The following SLCO1B3 variants were observed in gnomAD, a reference collection of about 807,000 sequenced individuals.
SLCO1B3 encodes solute carrier organic anion transporter family member 1B3.
In SLCO1B3, 72 loss-of-function variants were observed where a neutral mutation model predicts 71.8. The observed-to-expected ratio is 1.00, with a 90% confidence interval of 0.83 to 1.22. The LOEUF (loss-of-function observed/expected upper bound fraction) is 1.22, where lower values mean the gene tolerates loss of function less well. Ranked by LOEUF, SLCO1B3 falls within the 50% of genes most tolerant of loss-of-function variation. The pLI, the probability that SLCO1B3 is intolerant of heterozygous loss-of-function variation, is 0.00. For missense variants in SLCO1B3, 911 were observed against 819.7 expected (o/e 1.11, Z -1.36); for synonymous variants, 298 against 278.4 (o/e 1.07, Z -0.70).
At chr12:20,889,782 T>C (rs1865867165) in intron 13 of SLCO1B3, among the ~76,000 whole-genome samples, 1 of 152,140 alleles carries the variant, frequency 6.6e-6, no homozygotes, top group South Asian at 2.1e-4. Flanking sequence ...TGACATTAGA[T>C]TGTTAATTTT....
chr12:20,882,711 T>G (rs907492308), intron 12 of SLCO1B3, among the ~76,000 whole-genome samples: 3 of 152,144 alleles, frequency 2.0e-5, no homozygotes, highest in Non-Finnish European at 2.9e-5. Flanking sequence ...GCCAATTCTT[T>G]TACAAGTTCT....
chr12:20,881,127 TAAAAC>T, intron 12 of SLCO1B3, 107 bp downstream of exon 12: 1 of 806,942 alleles, frequency 1.2e-6, no homozygotes, highest in Non-Finnish European at 1.9e-6. Context: ...AATAAAAAGA[TAAAAC>T]AAAAAGATTC....
In SLCO1B3 at chr12:20,901,401, T is replaced by C. The variant is rs761692269; in HGVS notation, c.1799T>C (p.Met600Thr). ...GGGGCTCTGATTGATAAAACATGTA[T>C]GAAGTGGTCCACCAACAGCTGTGGA... ...YFGALIDKTC[M>T]KWSTNSCGAQ... Residue 600 changes from methionine (M) to threonine (T), a missense_variant, in exon 15 of 16, where the codon ATG becomes ACG. Physicochemically the swap from Met to Thr is moderately conservative, Grantham distance 81. Transcript: ENST00000381545. 2.5e-6 allele frequency: 4 copies of C among 1,591,302 alleles called. No individual in the cohort carries two copies. Among genetic ancestry groups the C allele is most frequent in the Admixed American group, 1.8e-5 (1 of 55,054 alleles).
Position 20,868,371 on chromosome 12 carries a change from A to G in SLCO1B3, c.727+5517A>G, listed in dbSNP as rs568423657. On this transcript the variant is annotated intron_variant, in intron 8 of 15. Coordinates refer to ENST00000381545, the MANE Select transcript of SLCO1B3 (RefSeq NM_019844.4). ...TAAATCCCATGTTATTCAAAGGTCA[A>G]CTGTACAATACAGTATTATTAACTA... 5.9e-5 allele frequency among the ~76,000 whole-genome samples: 9 copies of G among 152,060 alleles called. No individual in the cohort carries two copies. In the South Asian group the frequency reaches 1.7e-3, roughly 29 times the overall value.
chr12:20,879,701 A>C, intron 11 of SLCO1B3, 70 bp downstream of exon 11: 1 of 1,022,620 alleles, frequency 9.8e-7, no homozygotes, highest in Non-Finnish European at 1.4e-6. Flanking sequence ...GTGCAAGTAA[A>C]ATAAGGTAGA....
chr12:20,828,527 TA>T (rs991139440), intron 3 of SLCO1B3, among the ~76,000 whole-genome samples: 1 of 151,690 alleles, frequency 6.6e-6, no homozygotes, highest in African/African-American at 2.4e-5. Context: ...CATGTAGAAG[TA>T]AATGAATGAA....
At chr12:20,837,473 G>T (rs1864708225) in intron 3 of SLCO1B3, among the ~76,000 whole-genome samples, 1 of 151,784 alleles carries the variant, frequency 6.6e-6, no homozygotes, top group Admixed American at 6.6e-5. Flanking sequence ...TTTCCTCTAA[G>T]CATTGCTTTT....
At chr12:20,825,839 A>G (rs1864410718) in intron 3 of SLCO1B3, among the ~76,000 whole-genome samples, 1 of 151,508 alleles carries the variant, frequency 6.6e-6, no homozygotes, top group South Asian at 2.1e-4. Context: ...AAAAACCATG[A>G]AAACTTAATA....
chr12:20,861,148 A>C lies in SLCO1B3; in HGVS notation c.481+10A>C. 1 of 1,563,566 alleles carries C rather than the reference A, an allele frequency of 6.4e-7. No individual in the cohort carries two copies. The highest frequency in any genetic ancestry group is 2.3e-5 in the East Asian group (1 of 43,792). On this transcript the variant is annotated intron_variant, in intron 6 of 15. Coordinates refer to ENST00000381545, the MANE Select transcript of SLCO1B3 (RefSeq NM_019844.4). ...GAGATAGTAGAAAAAGGTAAGAATT[A>C]ATAGTGACAGTAAAACAAATTCTAG...
At chr12:20,878,652 G>A (rs957470403) in intron 10 of SLCO1B3, among the ~76,000 whole-genome samples, 1 of 152,072 alleles carries the variant, frequency 6.6e-6, no homozygotes, top group East Asian at 1.9e-4. Flanking sequence ...CATTGGAACA[G>A]GCTTCTGGAT....
In SLCO1B3 at chr12:20,815,776, C is replaced by T. The variant is rs766761846; in HGVS notation, c.38C>T (p.Ser13Leu). The stretch of plus-strand genomic sequence containing the variant: ...CAACATTTGAATAAAACAGCAGAGT[C>T]AGCATCTTCAGAGAAAAAGAAAACA... ...QHQHLNKTAE[S>L]ASSEKKKTRR... Residue 13 changes from serine (S) to leucine (L), a missense_variant, in exon 3 of 16, where the codon TCA becomes TTA. Ser to Leu is a moderately radical substitution (Grantham distance 145, BLOSUM62 -2). Coordinates refer to ENST00000381545, the MANE Select transcript of SLCO1B3 (RefSeq NM_019844.4). 7 of 1,599,126 alleles carry T rather than the reference C, an allele frequency of 4.4e-6. No homozygotes were observed. The Admixed American group carries it at 1.2e-4, about 27-fold the overall frequency.
At chr12:20,815,585 G>T in intron 2 of SLCO1B3, 89 bp from the exon 3 acceptor site, 1 of 556,072 alleles carries the variant, frequency 1.8e-6, no homozygotes, top group Non-Finnish European at 3.2e-6. Flanking sequence ...GAGAATGATT[G>T]ATTGATTGAT....
At chr12:20,901,268 C>A in intron 14 of SLCO1B3, 82 bp from the exon 15 acceptor site, 1 of 918,896 alleles carries the variant, frequency 1.1e-6, no homozygotes, top group Admixed American at 2.6e-5. Context: ...TGTATTAATC[C>A]AAAATGTATC....
In SLCO1B3 at chr12:20,898,492, G is replaced by C; in HGVS notation, c.1739G>C (p.Arg580Thr). The change falls in exon 14 of 16, where the codon AGA becomes ACA. Residue 580 changes from arginine to threonine, a missense_variant. Coordinates refer to ENST00000381545, the MANE Select transcript of SLCO1B3 (RefSeq NM_019844.4). ...ATGGGTTTCCAGTCAATGGTTATAA[G>C]AACACTAGGTATGACAAATATATAG... is the stretch of plus-strand genomic sequence containing the variant. ...LAMGFQSMVI[R>T]TLGGILAPIY... 1 of 1,547,272 alleles carries C rather than the reference G, an allele frequency of 6.5e-7. No individual in the cohort carries two copies. Among genetic ancestry groups the C allele is most frequent in the South Asian group, 1.1e-5 (1 of 88,218 alleles).
chr12:20,901,076 A>G (rs1866121698), intron 14 of SLCO1B3, among the ~76,000 whole-genome samples: 1 of 152,172 alleles, frequency 6.6e-6, no homozygotes, highest in Non-Finnish European at 1.5e-5. Flanking sequence ...TAGGTATTGT[A>G]GGAAGAACAG....
rs911136440 is a variant in SLCO1B3, at chr12:20,908,595, C to G, written c.1865+7128C>G. 5.3e-5 allele frequency among the ~76,000 whole-genome samples: 8 copies of G among 152,316 alleles called. No homozygotes were observed. The South Asian group carries it at 1.7e-3, about 32-fold the overall frequency. The stretch of plus-strand genomic sequence containing the variant: ...AAACCAATAGTCTCTTTACTACTTC[C>G]ACAATTTTGTCTGCTTCAGATCATA... On this transcript the variant is annotated intron_variant, in intron 15 of 15. Transcript: ENST00000381545.
At chr12:20,822,350 G>T (rs983571164) in intron 3 of SLCO1B3, among the ~76,000 whole-genome samples, 4 of 152,040 alleles carry the variant, frequency 2.6e-5, no homozygotes, top group African/African-American at 4.8e-5. Context: ...GAAAATTACA[G>T]TCAAAGGGGG....
At chr12:20,850,992 G>A (rs779798241) in intron 3 of SLCO1B3, among the ~76,000 whole-genome samples, 6 of 152,114 alleles carry the variant, frequency 3.9e-5, no homozygotes, top group Non-Finnish European at 8.8e-5. Context: ...GTTAATAATA[G>A]CCATTCTGAC....
chr12:20,910,761 A>C (rs777502956), intron 15 of SLCO1B3, among the ~76,000 whole-genome samples: 5 of 152,122 alleles, frequency 3.3e-5, no homozygotes. Flanking sequence ...CCACTTGTTC[A>C]TTGCTGATTT....
Sources: allele counts gnomAD v4.1 joint callset (sites outside exome capture counted in the v4.1 genomes callset), GRCh38; gene constraint gnomAD v4.1.1; transcripts MANE v1.5; gene names NCBI Gene and HGNC (gene_info 2026-07-23, HGNC 2026-07-21).